The following RAI14 variants were observed in gnomAD, a reference collection of about 807,000 sequenced individuals.
RAI14 encodes retinoic acid induced 14, also known as ankycorbin.
RAI14 carries 45 observed loss-of-function variants against 115.4 expected under a neutral mutation model. The ratio of observed to expected loss-of-function variants is 0.39; its 90% CI spans 0.31 to 0.50. The LOEUF (loss-of-function observed/expected upper bound fraction) is 0.50, where lower values mean the gene tolerates loss of function less well. Among genes scored for constraint, RAI14 ranks in the 20% least tolerant of loss-of-function variants. The pLI is 0.85. For synonymous variants in RAI14, 371 were observed against 415.4 expected (o/e 0.89, Z 1.30); for missense variants, 939 against 1,131.2 (o/e 0.83, Z 2.44).
At chr5:34,692,242 G>A (rs768390032) in intron 2 of RAI14, among the ~76,000 whole-genome samples, 2 of 150,744 alleles carry the variant, frequency 1.3e-5, no homozygotes, top group Non-Finnish European at 3.0e-5. Flanking sequence ...CAGCCTGGGC[G>A]ACAGAGCGAA....
At chr5:34,757,771 A>G (rs1408136476) in intron 3 of RAI14, 173 bp downstream of exon 3, 1 of 840,016 alleles carries the variant, frequency 1.2e-6, no homozygotes, top group Non-Finnish European at 1.7e-6. Context: ...CAAGTCACAT[A>G]TGGAGCTCTA....
At chr5:34,705,478 A>AT (rs1296147311) in intron 2 of RAI14, among the ~76,000 whole-genome samples, 1 of 152,132 alleles carries the variant, frequency 6.6e-6, no homozygotes, top group Non-Finnish European at 1.5e-5. Context: ...ATTATATTAT[A>AT]TATCTCTTGG....
intron 5 of RAI14, 80 bp from the exon 6 acceptor site, chr5:34,807,720 A>G (rs1333716523): frequency 1.8e-6 from 2 of 1,098,166 alleles, no homozygotes; most frequent in Non-Finnish European, 2.8e-6. Flanking sequence ...GTCACATCAT[A>G]CCTTGCAGGA....
At chr5:34,658,710 A>G (rs1742464806) in intron 1 of RAI14, among the ~76,000 whole-genome samples, 1 of 152,132 alleles carries the variant, frequency 6.6e-6, no homozygotes, top group South Asian at 2.1e-4. Flanking sequence ...AGGCAGGAGA[A>G]TCGCTTGAAC....
In RAI14 at chr5:34,830,921, A is replaced by G; in HGVS notation, c.*156A>G. 1 of 1,367,322 alleles carries G rather than the reference A, an allele frequency of 7.3e-7. No individual in the cohort carries two copies. The highest frequency in any genetic ancestry group is 1.5e-5 in the South Asian group (1 of 67,172). The allele number at this position is 1,367,322 out of a possible 1,614,324, so 84.7% of individuals were successfully genotyped here. A position where few individuals can be genotyped will look rare whatever the true frequency, so the allele number is the denominator to read the frequency against. On this transcript the variant is annotated 3_prime_UTR_variant, in exon 18 of 18. Coordinates refer to ENST00000265109, the MANE Select transcript of RAI14 (RefSeq NM_015577.3). ...AAGGTTTCTGAGGACTTCTCCCAGG[A>G]GAAGACTGCCCGCCTCAGAACTGCT...
chr5:34,692,409 C>T (rs1242504826), intron 2 of RAI14, among the ~76,000 whole-genome samples: 1 of 151,978 alleles, frequency 6.6e-6, no homozygotes, highest in African/African-American at 2.4e-5. Context: ...CACATACATG[C>T]ACATACACAC....
intron 1 of RAI14, chr5:34,685,770 C>G (rs1173375387): frequency 6.6e-6 from 1 of 152,084 alleles, no homozygotes; most frequent in Admixed American, 6.5e-5. Context: ...TGGCAACTAC[C>G]TTGTAGAATC....
intron 3 of RAI14, among the ~76,000 whole-genome samples, chr5:34,792,738 A>G (rs150909062): frequency 2.9e-4 from 44 of 152,346 alleles, no homozygotes; most frequent in Non-Finnish European, 5.3e-4. Flanking sequence ...GCAGTGTAAA[A>G]TCAAAGCCAA....
chr5:34,755,093 CT>C (rs927654385), intron 2 of RAI14, among the ~76,000 whole-genome samples: 1 of 151,354 alleles, frequency 6.6e-6, no homozygotes, highest in African/African-American at 2.4e-5. Context: ...ATGTTCTTCC[CT>C]TTTTTCTTTG....
intron 3 of RAI14, among the ~76,000 whole-genome samples, chr5:34,778,363 T>A (rs147202583): frequency 6.6e-6 from 1 of 152,168 alleles, no homozygotes; most frequent in African/African-American, 2.4e-5. Context: ...AGCCAAGACT[T>A]AGGCTGTCAA....
intron 3 of RAI14, among the ~76,000 whole-genome samples, chr5:34,767,626 C>T (rs1226039201): frequency 6.8e-6 from 1 of 148,052 alleles, no homozygotes; most frequent in Non-Finnish European, 1.5e-5. Flanking sequence ...CCACCCCCCA[C>T]CCCATTCCAC....
rs562175539 is a variant in RAI14, at chr5:34,685,343, G to A, written c.-48-1529G>A. On this transcript the variant is annotated intron_variant, in intron 1 of 17. Coordinates refer to ENST00000265109, the MANE Select transcript of RAI14 (RefSeq NM_015577.3). Reference sequence around the variant, plus strand: ...GGAACTGGAGGCCGTTATTCCAAGTGAAGTAACTCAGGAATGGAAAACCAA... The same window carrying A: ...GGAACTGGAGGCCGTTATTCCAAGTAAAGTAACTCAGGAATGGAAAACCAA... Among the ~76,000 whole-genome samples the A allele has an allele frequency of 9.2e-5, 14 of 152,292 alleles. No homozygotes were observed. The South Asian group carries it at 2.5e-3, about 27-fold the overall frequency.
chr5:34,686,477 C>T, intron 1 of RAI14: 1 of 152,414 alleles, frequency 6.6e-6, no homozygotes, highest in East Asian at 1.9e-4. Flanking sequence ...TTGAAAAATT[C>T]CTGAGAGTAG....
At chr5:34,799,522 ACACACACAC>A (rs1463418247) in intron 4 of RAI14, among the ~76,000 whole-genome samples, 2 of 112,696 alleles carry the variant, frequency 1.8e-5, no homozygotes, top group African/African-American at 5.8e-5. Flanking sequence ...ACACACACAC[ACACACACAC>A]ACACACACAA....
In RAI14 at chr5:34,746,098, C is replaced by CG. The variant is rs1415743659; in HGVS notation, c.37-11370_37-11369insG. 1.3e-4 allele frequency among the ~76,000 whole-genome samples: 17 copies of CG among 133,160 alleles called. 1 individual carries two copies. The highest frequency in any genetic ancestry group is 4.6e-4 in the Admixed American group (6 of 13,160). The allele number at this position is 133,160 out of a possible 152,430, so 87.4% of individuals were successfully genotyped here. A position where few individuals can be genotyped will look rare whatever the true frequency, so the allele number is the denominator to read the frequency against. ...CCCTTATACACCACCCCCTCCCCCCCCCGCCTTTTTTTTTTTTGTTTTTTT... is the reference window on the plus strand; with the variant it reads ...CCCTTATACACCACCCCCTCCCCCCCGCCGCCTTTTTTTTTTTTGTTTTTTT... On this transcript the variant is annotated intron_variant, in intron 2 of 17. Coordinates refer to ENST00000265109, the MANE Select transcript of RAI14 (RefSeq NM_015577.3).
In RAI14 at chr5:34,734,702, C is replaced by A. The variant is rs143423326; in HGVS notation, c.37-22766C>A. On this transcript the variant is annotated intron_variant, in intron 2 of 17. Coordinates refer to ENST00000265109, the MANE Select transcript of RAI14 (RefSeq NM_015577.3). ...TTTTTGACAGAGTCTTGCTCTGTTG[C>A]GTAGGCTGGAGTGCAGTGGCGCAAT... Among the ~76,000 whole-genome samples the A allele has an allele frequency of 4.6e-3, 691 of 151,318 alleles. 5 individuals are homozygous for A. Among genetic ancestry groups the A allele is most frequent in the African/African-American group, 0.016 (673 of 41,194 alleles).
intron 2 of RAI14, chr5:34,716,207 C>G: frequency 2.9e-6 from 1 of 345,410 alleles, no homozygotes; most frequent in East Asian, 9.5e-5. Context: ...GATTTACATG[C>G]CTACATCTTT....
Position 34,824,132 on chromosome 5 carries a change from G to A in RAI14, c.2290G>A (p.Glu764Lys), listed in dbSNP as rs573731734. ...GGAACACCTTGCAAGCAAGGAAGTGGAAGTAGCAAAGCTGGAGAAACAACT... is the reference window on the plus strand; with the variant it reads ...GGAACACCTTGCAAGCAAGGAAGTGAAAGTAGCAAAGCTGGAGAAACAACT... ...LKEHLASKEVEVAKLEKQLLE... is the reference protein window; with the variant it reads ...LKEHLASKEVKVAKLEKQLLE... The change falls in exon 15 of 18, where the codon GAA becomes AAA. Residue 764 changes from glutamate to lysine, a missense_variant. Physicochemically the swap from Glu to Lys is moderately conservative, Grantham distance 56. Transcript: ENST00000265109. The A allele has an allele frequency of 2.6e-5, 42 of 1,614,020 alleles. No individual in the cohort carries two copies. In the South Asian group the frequency reaches 4.6e-4, roughly 18 times the overall value.
rs180750597 is a variant in RAI14, at chr5:34,711,959, A to G, written c.36+25004A>G. The stretch of plus-strand genomic sequence containing the variant: ...TTTTTTTATTCTATCTGAGATGAGG[A>G]ATTGATGGTTAGCATGCTTGCTGCC... On this transcript the variant is annotated intron_variant, in intron 2 of 17. Transcript: ENST00000265109. Among the ~76,000 whole-genome samples the G allele has an allele frequency of 3.2e-4, 48 of 151,808 alleles. No individual in the cohort carries two copies. The East Asian group carries it at 8.4e-3, about 26-fold the overall frequency.
Sources: gnomAD v4.1 joint callset for allele counts (sites outside exome capture counted in the v4.1 genomes callset) on GRCh38, gnomAD v4.1.1 for gene constraint, MANE v1.5 for transcripts, NCBI Gene and HGNC (gene_info 2026-07-23, HGNC 2026-07-21) for gene names.